The following ANKRD13C variants were observed in gnomAD, a reference collection of about 807,000 sequenced individuals.
ANKRD13C encodes ankyrin repeat domain-containing protein 13C.
In ANKRD13C, 16 loss-of-function variants were observed where a neutral mutation model predicts 65.5. That is an observed-to-expected ratio of 0.24 (90% confidence interval 0.17 to 0.37). ANKRD13C has a LOEUF of 0.37. Among genes scored for constraint, ANKRD13C ranks in the 10% least tolerant of loss-of-function variants. The pLI, the probability that ANKRD13C is intolerant of heterozygous loss-of-function variation, is 1.00. For missense variants in ANKRD13C, 503 were observed against 655.9 expected, an observed-to-expected ratio of 0.77 and a Z score of 2.55; for synonymous variants, 235 against 238.7, an observed-to-expected ratio of 0.98 and a Z score of 0.14.
intron 8 of ANKRD13C, among the ~76,000 whole-genome samples, chr1:70,295,847 A>G (rs1175590954): frequency 1.3e-5 from 2 of 152,158 alleles, no homozygotes; most frequent in African/African-American, 4.8e-5. Context: ...AATATAATGG[A>G]ATCATGTGAA....
chr1:70,288,600 G>A (rs912313809), intron 9 of ANKRD13C, among the ~76,000 whole-genome samples: 1 of 152,002 alleles, frequency 6.6e-6, no homozygotes, highest in African/African-American at 2.4e-5. Flanking sequence ...AAATCACCAG[G>A]GAATTATGCT....
chr1:70,297,759 A>G (rs1680154022), intron 7 of ANKRD13C, among the ~76,000 whole-genome samples: 1 of 150,956 alleles, frequency 6.6e-6, no homozygotes, highest in South Asian at 2.1e-4. Flanking sequence ...ACTAAAAAAA[A>G]AAAATTAGCC....
chr1:70,306,432 T>C (rs1221785937), intron 5 of ANKRD13C, 142 bp from the exon 6 acceptor site: 1 of 521,250 alleles, frequency 1.9e-6, no homozygotes, highest in Non-Finnish European at 3.2e-6. Flanking sequence ...CATTTAAAAA[T>C]AAATAAAATT....
intron 12 of ANKRD13C, among the ~76,000 whole-genome samples, chr1:70,267,158 C>T (rs1678664163): frequency 6.6e-6 from 1 of 152,084 alleles, no homozygotes; most frequent in Admixed American, 6.6e-5. Context: ...TAGATTGACC[C>T]TTTTATCACT....
At chr1:70,301,380 T>G (rs1380160010) in intron 6 of ANKRD13C, among the ~76,000 whole-genome samples, 1 of 152,198 alleles carries the variant, frequency 6.6e-6, no homozygotes, top group African/African-American at 2.4e-5. Context: ...CTGACATTAT[T>G]CGATCCCTTT....
chr1:70,297,093 C>T (rs1680111576), intron 7 of ANKRD13C, among the ~76,000 whole-genome samples: 1 of 151,708 alleles, frequency 6.6e-6, no homozygotes, highest in South Asian at 2.1e-4. Context: ...AGAAAGATAC[C>T]CTAACTAATA....
intron 7 of ANKRD13C, among the ~76,000 whole-genome samples, chr1:70,300,353 C>T (rs1033539411): frequency 6.6e-6 from 1 of 151,944 alleles, no homozygotes; most frequent in African/African-American, 2.4e-5. Context: ...TTTGGGAGGC[C>T]GAGGTGGGTG....
chr1:70,312,054 G>A (rs1680870955), intron 5 of ANKRD13C, among the ~76,000 whole-genome samples: 1 of 152,088 alleles, frequency 6.6e-6, no homozygotes, highest in Admixed American at 6.6e-5. Flanking sequence ...AAGTGCTAAT[G>A]GACTTCAGAT....
At chr1:70,314,666 G>C (rs955252914) in intron 4 of ANKRD13C, among the ~76,000 whole-genome samples, 84 of 151,404 alleles carry the variant, frequency 5.5e-4, no homozygotes, top group African/African-American at 1.9e-3. Context: ...AGTGATAAAA[G>C]TGAATGTTAA....
rs1678385863 is a variant in ANKRD13C at position 70,261,431 on chromosome 1, AATCT to A, written c.*1282_*1285del. Reference sequence around the variant, plus strand: ...CATCAGGATACATTTTAAAAACATCAATCTAAGTAAGCTCTTTAATACAACATGA... The same window carrying A: ...CATCAGGATACATTTTAAAAACATCAAAGTAAGCTCTTTAATACAACATGA... On this transcript the variant is annotated 3_prime_UTR_variant, in exon 13 of 13. Transcript: ENST00000370944. The A allele has an allele frequency of 6.6e-6, 1 of 152,114 alleles. No individual in the cohort carries two copies. Among genetic ancestry groups the A allele is most frequent in the South Asian group, 2.1e-4 (1 of 4,834 alleles). The allele number at this position is 152,114 out of a possible 1,614,324, so 9.4% of individuals were successfully genotyped here.
intron 12 of ANKRD13C, among the ~76,000 whole-genome samples, chr1:70,266,673 C>A (rs550371711): frequency 2.0e-5 from 3 of 152,062 alleles, no homozygotes; most frequent in Non-Finnish European, 4.4e-5. Context: ...GTTTTATTTC[C>A]TTTGAGACTT....
chr1:70,302,444 T>TAAAAGGGACTCTTCCCCTATCTCTATAA (rs376318377), intron 6 of ANKRD13C, among the ~76,000 whole-genome samples: 4 of 146,714 alleles, frequency 2.7e-5, no homozygotes, highest in Admixed American at 6.9e-5. Context: ...AAAATAGTAT[T>TAAAAGGGACTCTTCCCCTATCTCTATAA]GGCCGGGCGC....
chr1:70,354,072 G>C lies in ANKRD13C; in HGVS notation c.337C>G (p.His113Asp), dbSNP rs141467678. 6 of 1,609,846 alleles carry C rather than the reference G, an allele frequency of 3.7e-6. No individual in the cohort carries two copies. The African/African-American group carries it at 8.0e-5, about 21-fold the overall frequency. The change falls in exon 1 of 13, where the codon CAC (histidine) becomes GAC (aspartate). Residue 113 changes from histidine (H) to aspartate (D), a missense_variant. His to Asp is a moderately conservative substitution (Grantham distance 81). This residue lies in a region of ANKRD13C where 203 missense variants were observed against 177.6 expected (regional missense o/e 1.14). Coordinates refer to ENST00000370944, the MANE Select transcript of ANKRD13C (RefSeq NM_030816.5). The stretch of plus-strand genomic sequence containing the variant: ...AAGACGCACTCGTGCACCGGGTAGT[G>C]TGCGGGGCAACTGCCTCCATCCGCG... ...VVADGGSCPA[H>D]YPVHECVFKG... is the part of the protein sequence containing the mutation.
rs772701462 is a variant in ANKRD13C, at chr1:70,270,974, A to G, written c.1395-18T>C. 1.3e-6 allele frequency: 2 copies of G among 1,517,366 alleles called. No homozygotes were observed. The highest frequency in any genetic ancestry group is 2.3e-5 in the South Asian group (2 of 86,990). The allele number at this position is 1,517,366 out of a possible 1,614,324, so 94.0% of individuals were successfully genotyped here. Reference sequence around the variant, plus strand: ...TCAATAATCTGAAAAATGGAAGAAGAAAAAAATGTTTTCATTGTTCAAATT... The same window carrying G: ...TCAATAATCTGAAAAATGGAAGAAGGAAAAAATGTTTTCATTGTTCAAATT... On this transcript the variant is annotated intron_variant, in intron 11 of 12. Coordinates refer to ENST00000370944, the MANE Select transcript of ANKRD13C (RefSeq NM_030816.5).
rs1678413001 is a variant in ANKRD13C, at chr1:70,262,151, C to T, written c.*566G>A. The stretch of plus-strand genomic sequence containing the variant: ...GGTTACCATTTGGTTCATTCATCTA[C>T]AGAAAATTGCATTCCTTCTAGTTCA... On this transcript the variant is annotated 3_prime_UTR_variant, in exon 13 of 13. Coordinates refer to ENST00000370944, the MANE Select transcript of ANKRD13C (RefSeq NM_030816.5). 1 of 152,518 alleles carries T rather than the reference C, an allele frequency of 6.6e-6. No homozygotes were observed. Among genetic ancestry groups the T allele is most frequent in the Non-Finnish European group, 1.5e-5 (1 of 67,978 alleles). 9.4% of individuals were successfully genotyped at this position (152,518 alleles called of 1,614,324 possible).
intron 11 of ANKRD13C, among the ~76,000 whole-genome samples, chr1:70,274,473 CAAAAAAAAA>C (rs769480539): frequency 2.6e-5 from 1 of 38,668 alleles, no homozygotes; most frequent in Non-Finnish European, 5.6e-5. Flanking sequence ...GACTCCATCT[CAAAAAAAAA>C]AAAAAAAAAA....
intron 3 of ANKRD13C, among the ~76,000 whole-genome samples, 173 bp downstream of exon 3, chr1:70,324,676 CTCTT>C (rs1487311446): frequency 6.6e-6 from 1 of 152,198 alleles, no homozygotes; most frequent in African/African-American, 2.4e-5. Context: ...GATTCTTCAA[CTCTT>C]TCTGGGTTCC....
chr1:70,354,429 G>A lies in ANKRD13C; in HGVS notation c.-21C>T, dbSNP rs183412622. ...GTCATCGCCGCCGCCAGGGGCAAGG[G>A]GGGGAATCGGGAGGCTCACCGCTGG... is the stretch of plus-strand genomic sequence containing the variant. On this transcript the variant is annotated 5_prime_UTR_variant, in exon 1 of 13. Transcript: ENST00000370944. 4.6e-5 allele frequency: 74 copies of A among 1,600,416 alleles called. 1 individual carries two copies. The African/African-American group carries it at 5.8e-4, about 12-fold the overall frequency.
chr1:70,267,904 C>T (rs1397877218), intron 12 of ANKRD13C, among the ~76,000 whole-genome samples: 1 of 152,074 alleles, frequency 6.6e-6, no homozygotes, highest in Admixed American at 6.6e-5. Flanking sequence ...CCCTTCATGT[C>T]CCTATACCTT....
Sources: allele counts gnomAD v4.1 joint callset (sites outside exome capture counted in the v4.1 genomes callset), GRCh38; gene constraint gnomAD v4.1.1; regional missense constraint gnomAD v4.1.1; transcripts MANE v1.5; gene names NCBI Gene and HGNC (gene_info 2026-07-23, HGNC 2026-07-21).